Variants in SLC8A1 observed in about 807,000 individuals in gnomAD.
SLC8A1 encodes the protein solute carrier family 8 member A1.
In SLC8A1, 18 loss-of-function variants were observed where a neutral mutation model predicts 68.3. That is an observed-to-expected ratio of 0.26 (90% CI 0.18 to 0.39). The LOEUF (loss-of-function observed/expected upper bound fraction) is 0.39. SLC8A1 is among the 10% of genes least tolerant of loss of function. The pLI, the probability that SLC8A1 is intolerant of heterozygous loss-of-function variation, is 1.00. For missense variants in SLC8A1, 985 were observed against 1,156.7 expected (o/e 0.85, Z 2.15); for synonymous variants, 475 against 415.5 (o/e 1.14, Z -1.74).
chr2:40,413,122 G>A (rs1362257423), intron 2 of SLC8A1, among the ~76,000 whole-genome samples: 1 of 152,132 alleles, frequency 6.6e-6, no homozygotes, highest in Non-Finnish European at 1.5e-5. Flanking sequence ...GAGAGGATGT[G>A]GAGAAATAGG....
chr2:40,364,123 G>A (rs574582543), intron 2 of SLC8A1, among the ~76,000 whole-genome samples: 27 of 152,080 alleles, frequency 1.8e-4, no homozygotes, highest in African/African-American at 6.5e-4. Context: ...TGCCTGATAA[G>A]TATTTGCTCT....
intron 1 of SLC8A1, among the ~76,000 whole-genome samples, chr2:40,433,742 C>G (rs376599774): frequency 5.1e-4 from 78 of 152,260 alleles, no homozygotes; most frequent in African/African-American, 1.7e-3. Flanking sequence ...TTTTCCAAGA[C>G]TGATATAACT....
intron 2 of SLC8A1, among the ~76,000 whole-genome samples, chr2:40,250,110 ACAT>A (rs1205091342): frequency 2.0e-5 from 3 of 152,196 alleles, no homozygotes; most frequent in Admixed American, 1.3e-4. Context: ...GTTAAAGGGG[ACAT>A]TGTGATGACA....
At chr2:40,364,350 T>TTG (rs1175625877) in intron 2 of SLC8A1, among the ~76,000 whole-genome samples, 3 of 151,774 alleles carry the variant, frequency 2.0e-5, no homozygotes, top group Non-Finnish European at 2.9e-5. Context: ...CACTACGAGT[T>TTG]TGTGTGTGTG....
intron 2 of SLC8A1, among the ~76,000 whole-genome samples, chr2:40,210,882 G>T (rs2056458682): frequency 6.6e-6 from 1 of 152,148 alleles, no homozygotes; most frequent in Admixed American, 6.5e-5. Flanking sequence ...ATACAGAATG[G>T]TTATGTATAT....
chr2:40,201,462 T>G (rs1429950242), intron 2 of SLC8A1, among the ~76,000 whole-genome samples: 2 of 151,966 alleles, frequency 1.3e-5, no homozygotes. Flanking sequence ...AAATGAGAAT[T>G]AAGCTTGATC....
chr2:40,256,423 G>A (rs190922584), intron 2 of SLC8A1, among the ~76,000 whole-genome samples: 3 of 152,286 alleles, frequency 2.0e-5, no homozygotes, highest in Non-Finnish European at 4.4e-5. Flanking sequence ...ACACATATAT[G>A]CATTTACATG....
At chr2:40,390,976 G>A (rs1236258717) in intron 2 of SLC8A1, among the ~76,000 whole-genome samples, 1 of 151,998 alleles carries the variant, frequency 6.6e-6, no homozygotes, top group Non-Finnish European at 1.5e-5. Flanking sequence ...ATATTTGGAG[G>A]CAGTTTAACA....
At chr2:40,178,461 T>C in intron 2 of SLC8A1, 2 of 1,613,566 alleles carry the variant, frequency 1.2e-6, no homozygotes, top group South Asian at 2.2e-5. Context: ...CTCATACTCC[T>C]CATCATCAAT....
At chr2:40,243,746 C>T (rs560023699) in intron 2 of SLC8A1, among the ~76,000 whole-genome samples, 1 of 152,278 alleles carries the variant, frequency 6.6e-6, no homozygotes, top group African/African-American at 2.4e-5. Context: ...AATACATTCA[C>T]AGTGGGAAGG....
chr2:40,142,483 A>G (rs188562858), intron 6 of SLC8A1, among the ~76,000 whole-genome samples: 1 of 152,336 alleles, frequency 6.6e-6, no homozygotes, highest in East Asian at 1.9e-4. Context: ...CACAGGGCAT[A>G]TGAATAAAAT....
intron 2 of SLC8A1, among the ~76,000 whole-genome samples, chr2:40,343,309 A>G (rs552102780): frequency 6.6e-6 from 1 of 152,190 alleles, no homozygotes; most frequent in South Asian, 2.1e-4. Context: ...TCACCTATAA[A>G]CATGTCTATG....
chr2:40,472,007 G>A (rs960563589), intron 1 of SLC8A1, among the ~76,000 whole-genome samples: 1 of 152,116 alleles, frequency 6.6e-6, no homozygotes, highest in Non-Finnish European at 1.5e-5. Flanking sequence ...GAGAGGAGGA[G>A]ACTGCGGTTG....
intron 1 of SLC8A1, among the ~76,000 whole-genome samples, chr2:40,472,195 G>A (rs1021005927): frequency 6.6e-6 from 1 of 152,132 alleles, no homozygotes; most frequent in Admixed American, 6.6e-5. Flanking sequence ...CACGCATATT[G>A]TGGAGTAAAG....
At chr2:40,351,204 T>G (rs1670969909) in intron 2 of SLC8A1, among the ~76,000 whole-genome samples, 1 of 152,162 alleles carries the variant, frequency 6.6e-6, no homozygotes, top group Non-Finnish European at 1.5e-5. Context: ...AGGCAGCGAC[T>G]GAGTGTGAAT....
rs145077257 is a variant in SLC8A1 at position 40,288,834 on chromosome 2, C to CATATATATAT, written c.1809-110989_1809-110980dup. On this transcript the variant is annotated intron_variant, in intron 2 of 7. Transcript: ENST00000406785. The stretch of plus-strand genomic sequence containing the variant: ...TTCGAAAATGTCTCTACTAAGTAAT[C>CATATATATAT]ATATATATATATATATATGTATATA... 3.1e-3 allele frequency among the ~76,000 whole-genome samples: 408 copies of CATATATATAT among 132,636 alleles called. 13 individuals carry two copies. Among genetic ancestry groups the CATATATATAT allele is most frequent in the African/African-American group, 0.013 (380 of 29,370 alleles). 87.0% of individuals were successfully genotyped at this position (132,636 alleles called of 152,430 possible). A position where few individuals can be genotyped will look rare whatever the true frequency, so the allele number is the denominator to read the frequency against.
At chr2:40,235,065 TTG>T (rs2060185560) in intron 2 of SLC8A1, among the ~76,000 whole-genome samples, 1 of 152,094 alleles carries the variant, frequency 6.6e-6, no homozygotes, top group Admixed American at 6.5e-5. Flanking sequence ...ATTCTCTTTT[TTG>T]GTTGTGTCTC....
At chr2:40,273,382 C>G (rs2066295233) in intron 2 of SLC8A1, among the ~76,000 whole-genome samples, 1 of 152,176 alleles carries the variant, frequency 6.6e-6, no homozygotes, top group African/African-American at 2.4e-5. Flanking sequence ...CACTAGCCAC[C>G]ATGCCCAGCC....
chr2:40,218,463 G>A (rs2057822288), intron 2 of SLC8A1, among the ~76,000 whole-genome samples: 1 of 152,100 alleles, frequency 6.6e-6, no homozygotes, highest in Non-Finnish European at 1.5e-5. Context: ...AAAATTAATT[G>A]TGGTTTTTAC....
Sources: gnomAD v4.1 joint callset for allele counts (sites outside exome capture counted in the v4.1 genomes callset) on GRCh38, gnomAD v4.1.1 for gene constraint, MANE v1.5 for transcripts, NCBI Gene and HGNC (gene_info 2026-07-23, HGNC 2026-07-21) for gene names.